Variants in MAP3K20 observed in about 807,000 individuals in gnomAD.
The protein encoded by MAP3K20 is HCCS-4.
A neutral mutation model predicts 85.7 loss-of-function variants in MAP3K20; 40 were observed. The observed-to-expected ratio is 0.47, with a 90% confidence interval of 0.36 to 0.61. The LOEUF (loss-of-function observed/expected upper bound fraction) is 0.61, where lower values mean the gene tolerates loss of function less well. Ranked by LOEUF, MAP3K20 falls within the 20% of genes least tolerant of loss-of-function variation. The pLI is 0.00. For synonymous variants in MAP3K20, 325 were observed against 327.7 expected (o/e 0.99, Z 0.09); for missense variants, 817 against 961.7 (o/e 0.85, Z 1.99).
chr2:173,169,949 T>C, intron 3 of MAP3K20, 57 bp downstream of exon 3: 1 of 1,480,628 alleles, frequency 6.8e-7, no homozygotes, highest in Non-Finnish European at 9.4e-7. Context: ...TTAGATTCCT[T>C]AATATGCTAA....
chr2:173,152,312 A>G (rs80286957), intron 2 of MAP3K20, among the ~76,000 whole-genome samples: 9,882 of 152,268 alleles, frequency 0.065, 445 homozygotes, highest in Middle Eastern at 0.11. Flanking sequence ...TTAGCTGATA[A>G]GCAGTATTCA....
chr2:173,206,199 A>T (rs928311948), intron 9 of MAP3K20, among the ~76,000 whole-genome samples: 3 of 152,190 alleles, frequency 2.0e-5, no homozygotes, highest in African/African-American at 4.8e-5. Context: ...TTAATTGAGC[A>T]CTCAGTACCA....
intron 2 of MAP3K20, among the ~76,000 whole-genome samples, chr2:173,100,637 C>T (rs1006613056): frequency 1.3e-5 from 2 of 152,152 alleles, no homozygotes; most frequent in African/African-American, 4.8e-5. Flanking sequence ...CTTGCATTCA[C>T]CTACATAGTA....
intron 2 of MAP3K20, among the ~76,000 whole-genome samples, chr2:173,167,229 T>C (rs74916361): frequency 6.6e-6 from 1 of 152,060 alleles, no homozygotes; most frequent in Admixed American, 6.6e-5. Flanking sequence ...GTTTTTTTTT[T>C]AATGAGCTCT....
At chr2:173,236,530 G>C (rs537190479) in intron 14 of MAP3K20, among the ~76,000 whole-genome samples, 1 of 152,236 alleles carries the variant, frequency 6.6e-6, no homozygotes, top group South Asian at 2.1e-4. Context: ...TCCTGAGTGA[G>C]TCTGCACTCA....
In MAP3K20 at chr2:173,116,586, G is replaced by A. The variant is rs138560695; in HGVS notation, c.159+25396G>A. ...CAAGACTACTTAAATTGCTTTGGCC[G>A]CAGGCTCATTTCTTCATCTGGCAAA... On this transcript the variant is annotated intron_variant, in intron 2 of 19. Transcript: ENST00000375213. 1.3e-3 allele frequency among the ~76,000 whole-genome samples: 199 copies of A among 152,232 alleles called. 6 individuals are homozygous for A. In the East Asian group the frequency reaches 0.034, roughly 26 times the overall value.
At chr2:173,153,821 T>C (rs557489486) in intron 2 of MAP3K20, among the ~76,000 whole-genome samples, 14 of 152,376 alleles carry the variant, frequency 9.2e-5, no homozygotes, top group Admixed American at 2.0e-4. Flanking sequence ...TTACTCATAC[T>C]ACATATTACA....
intron 2 of MAP3K20, among the ~76,000 whole-genome samples, chr2:173,165,871 A>G (rs930047840): frequency 6.6e-6 from 1 of 152,094 alleles, no homozygotes; most frequent in African/African-American, 2.4e-5. Flanking sequence ...AGGTCTCACT[A>G]TGTTGCCCAA....
chr2:173,235,152 AGT>A (rs1191262930), intron 14 of MAP3K20, among the ~76,000 whole-genome samples: 4 of 152,216 alleles, frequency 2.6e-5, no homozygotes, highest in Non-Finnish European at 5.9e-5. Flanking sequence ...TATTAGAGAA[AGT>A]GTGAAGATGT....
intron 7 of MAP3K20, among the ~76,000 whole-genome samples, chr2:173,193,796 C>T (rs1287005813): frequency 1.3e-5 from 2 of 152,190 alleles, no homozygotes; most frequent in Non-Finnish European, 1.5e-5. Flanking sequence ...GGCTTGAACA[C>T]GTCTCTTTGT....
At chr2:173,193,455 T>C (rs879258009) in intron 7 of MAP3K20, among the ~76,000 whole-genome samples, 1 of 152,212 alleles carries the variant, frequency 6.6e-6, no homozygotes, top group Non-Finnish European at 1.5e-5. Context: ...AAAACAAACT[T>C]TATGCTGCCT....
At chr2:173,195,664 C>CCTGT (rs1690806238) in intron 7 of MAP3K20, among the ~76,000 whole-genome samples, 1 of 152,054 alleles carries the variant, frequency 6.6e-6, no homozygotes, top group Admixed American at 6.5e-5. Flanking sequence ...AAGCTGATGT[C>CCTGT]CTATCTTATA....
intron 3 of MAP3K20, among the ~76,000 whole-genome samples, chr2:173,173,168 G>A (rs1001864300): frequency 4.7e-5 from 6 of 127,450 alleles, no homozygotes; most frequent in African/African-American, 1.5e-4. Context: ...GTGTGTGTGT[G>A]TGTGTGTGTG....
rs187386921 is a variant in MAP3K20 at position 173,112,274 on chromosome 2, G to C, written c.159+21084G>C. On this transcript the variant is annotated intron_variant, in intron 2 of 19. Coordinates refer to ENST00000375213, the MANE Select transcript of MAP3K20 (RefSeq NM_016653.3). ...TATTAATCTTGTATTTGGAAACTTTGCTGAATCTTTTGTCAGTTCTAGGAG... is the reference window on the plus strand; with the variant it reads ...TATTAATCTTGTATTTGGAAACTTTCCTGAATCTTTTGTCAGTTCTAGGAG... Among the ~76,000 whole-genome samples the C allele has an allele frequency of 1.3e-3, 191 of 152,284 alleles. 1 individual carries two copies. The highest frequency in any genetic ancestry group is 2.2e-3 in the Non-Finnish European group (148 of 68,000).
Position 173,091,183 on chromosome 2 carries a change from A to G in MAP3K20, c.152A>G (p.Glu51Gly), listed in dbSNP as rs1309193902. 6.2e-7 allele frequency: 1 copy of G among 1,611,918 alleles called. No individual in the cohort carries two copies. The highest frequency in any genetic ancestry group is 1.3e-5 in the African/African-American group (1 of 74,754). ...GCTGTAAAGAAGCTCCTCAAAATAG[A>G]GAAAGAGGTAAGGTCTTTTCCAGCT... is the stretch of plus-strand genomic sequence containing the variant. ...EVAVKKLLKI[E>G]KEAEILSVLS... The change falls in exon 2 of 20, where the codon GAG becomes GGG. Residue 51 changes from glutamate (E) to glycine (G), a missense_variant. Transcript: ENST00000375213.
intron 14 of MAP3K20, 129 bp downstream of exon 14, chr2:173,232,588 C>T (rs901325039): frequency 3.3e-5 from 45 of 1,377,376 alleles, no homozygotes; most frequent in Admixed American, 1.3e-4. Flanking sequence ...GTTGCACCCT[C>T]CGCCTCCTGG....
intron 1 of MAP3K20, among the ~76,000 whole-genome samples, chr2:173,083,704 T>C (rs932999734): frequency 3.9e-5 from 6 of 152,230 alleles, no homozygotes; most frequent in African/African-American, 1.4e-4. Context: ...TGGTGTTCTT[T>C]TTATACACAT....
intron 9 of MAP3K20, among the ~76,000 whole-genome samples, chr2:173,205,210 G>T (rs961956373): frequency 2.0e-5 from 3 of 151,474 alleles, no homozygotes; most frequent in Non-Finnish European, 4.4e-5. Flanking sequence ...AAGTTTTATA[G>T]TTTAAATTTG....
chr2:173,170,354 T>C (rs1028129576), intron 3 of MAP3K20, among the ~76,000 whole-genome samples: 2 of 152,224 alleles, frequency 1.3e-5, no homozygotes, highest in African/African-American at 4.8e-5. Flanking sequence ...GTCAACTAAG[T>C]TGGTAATGAC....
Sources: gnomAD v4.1 joint callset for allele counts (sites outside exome capture counted in the v4.1 genomes callset) on GRCh38, gnomAD v4.1.1 for gene constraint, MANE v1.5 for transcripts, NCBI Gene and HGNC (gene_info 2026-07-23, HGNC 2026-07-21) for gene names.